ATP2B2: variants seen among roughly 807,000 people sequenced by gnomAD.
ATP2B2 encodes ATPase plasma membrane Ca2+ transporting 2, also known as plasma membrane calcium-transporting ATPase 2.
In ATP2B2, 15 loss-of-function variants were observed where a neutral mutation model predicts 120.0. That is an observed-to-expected ratio of 0.12 (90% CI 0.08 to 0.19). ATP2B2 has a LOEUF of 0.19. Among genes scored for constraint, ATP2B2 ranks in the 10% least tolerant of loss-of-function variants. The probability of loss-of-function intolerance (pLI) is 1.00; values close to 1 mark genes in which losing one functional copy is unlikely to be tolerated. For synonymous variants in ATP2B2, 694 were observed against 700.3 expected, an observed-to-expected ratio of 0.99 and a Z score of 0.14; for missense variants, 1,045 against 1,719.8, an observed-to-expected ratio of 0.61 and a Z score of 6.94.
upstream of ATP2B2, among the ~76,000 whole-genome samples, chr3:10,508,299 A>G (rs528043446): frequency 1.3e-5 from 2 of 152,110 alleles, no homozygotes; most frequent in East Asian, 3.9e-4. Context: ...TCGAAGTCCA[A>G]CTCAAATTCT....
chr3:10,510,124 C>T (rs2066730756), upstream of ATP2B2, among the ~76,000 whole-genome samples: 1 of 152,130 alleles, frequency 6.6e-6, no homozygotes, highest in South Asian at 2.1e-4. Context: ...GGTCTGGTCT[C>T]TAGTCTATTG....
chr3:10,402,143 G>A lies in ATP2B2; in HGVS notation c.603C>T (p.Val201=). The A allele has an allele frequency of 6.2e-7, 1 of 1,614,028 alleles. No individual in the cohort carries two copies. Among genetic ancestry groups the A allele is most frequent in the Non-Finnish European group, 8.5e-7 (1 of 1,179,998 alleles). The part of the protein sequence containing the change: ...KFTVVRAGQV[V]QIPVAEIVVG... ...CCACGATCTCAGCCACAGGGATCTG[G>A]ACCACCTGGCCAGCCCGGACCACGG... Residue 201 remains valine (V), a synonymous_variant, in exon 4 of 23, where the codon GTC becomes GTT. Transcript: ENST00000360273. This position sits in a 1 kb window ranked among gnomAD's most constrained non-coding sequence, Gnocchi z 4.9.
At chr3:10,338,699 G>T in intron 21 of ATP2B2, 1 of 350,426 alleles carries the variant, frequency 2.9e-6, no homozygotes, top group Non-Finnish European at 5.4e-6. Flanking sequence ...CTGGTCCTGT[G>T]GCCTCGGGCA....
At chr3:10,372,165 C>T (rs1460170286) in intron 11 of ATP2B2, 114 bp from the exon 12 acceptor site, 1 of 1,453,668 alleles carries the variant, frequency 6.9e-7, no homozygotes, top group South Asian at 1.2e-5. Flanking sequence ...CCACAGCCTG[C>T]CCCTTTGCTT....
At chr3:10,527,527 T>C (rs990586936) in intron 3 of ATP2B2, among the ~76,000 whole-genome samples, 1 of 152,106 alleles carries the variant, frequency 6.6e-6, no homozygotes, top group African/African-American at 2.4e-5. Context: ...GGGCTCCTCA[T>C]CAATACCTAC....
At chr3:10,622,000 C>G (rs2125625525) in intron 1 of ATP2B2, among the ~76,000 whole-genome samples, 1 of 152,354 alleles carries the variant, frequency 6.6e-6, no homozygotes, top group Non-Finnish European at 1.5e-5. Flanking sequence ...CTGTTTTGCT[C>G]CACACATTTG....
At chr3:10,659,749 T>C (rs191246394) in intron 1 of ATP2B2, among the ~76,000 whole-genome samples, 250 of 152,360 alleles carry the variant, frequency 1.6e-3, no homozygotes, top group Non-Finnish European at 2.9e-3. Context: ...GTGGACCTAA[T>C]AGACATCTAC....
upstream of ATP2B2, among the ~76,000 whole-genome samples, chr3:10,507,116 G>A (rs551455184): frequency 6.6e-6 from 1 of 152,258 alleles, no homozygotes; most frequent in East Asian, 1.9e-4. Context: ...AAGCTACGAT[G>A]TCAAGGGCCG....
In ATP2B2 at chr3:10,346,567, G is replaced by T. The variant is rs1413282843; in HGVS notation, c.2405-430C>A. On this transcript the variant is annotated intron_variant, in intron 16 of 22. Transcript: ENST00000360273. The surrounding 1 kb of genome is among the most constrained non-coding windows in gnomAD (Gnocchi z 4.1). Reference sequence around the variant, plus strand: ...AGCACTTTCTCCCTGGGGAGTCCAGGCTTGCTGAGGAGGCCTTGGCTTTGT... The same window carrying T: ...AGCACTTTCTCCCTGGGGAGTCCAGTCTTGCTGAGGAGGCCTTGGCTTTGT... Among the ~76,000 whole-genome samples, 2 of 152,236 alleles carry T rather than the reference G, an allele frequency of 1.3e-5. No individual in the cohort carries two copies. Among genetic ancestry groups the T allele is most frequent in the Non-Finnish European group, 2.9e-5 (2 of 68,044 alleles).
At chr3:10,540,909 G>A (rs1449167083) in intron 2 of ATP2B2, among the ~76,000 whole-genome samples, 2 of 149,170 alleles carry the variant, frequency 1.3e-5, no homozygotes, top group Non-Finnish European at 3.0e-5. Context: ...TTTTTTTTTA[G>A]GAAATTTAAA....
chr3:10,663,866 C>G (rs147063538), intron 1 of ATP2B2, among the ~76,000 whole-genome samples: 1 of 152,288 alleles, frequency 6.6e-6, no homozygotes, highest in East Asian at 1.9e-4. Flanking sequence ...AGACTTTGGA[C>G]TCTTCGAAGA....
chr3:10,658,889 G>A (rs6442191), intron 1 of ATP2B2, among the ~76,000 whole-genome samples: 32,710 of 150,790 alleles, frequency 0.22, 5,984 homozygotes, highest in African/African-American at 0.5. Context: ...GACTAACAGC[G>A]GATCTCTCGG....
At chr3:10,393,218 AAGGTGGG>A (rs916196332) in intron 5 of ATP2B2, among the ~76,000 whole-genome samples, 2 of 152,164 alleles carry the variant, frequency 1.3e-5, no homozygotes, top group African/African-American at 4.8e-5. Context: ...CAGCCAGGCA[AAGGTGGG>A]AGGTGGTCCA....
intron 1 of ATP2B2, among the ~76,000 whole-genome samples, chr3:10,488,086 T>C (rs1364818973): frequency 6.6e-6 from 1 of 151,386 alleles, no homozygotes; most frequent in Non-Finnish European, 1.5e-5. Context: ...CCTATCCATC[T>C]ATCCATCCAT....
At chr3:10,381,884 T>C (rs2061541057) in intron 8 of ATP2B2, among the ~76,000 whole-genome samples, 1 of 152,174 alleles carries the variant, frequency 6.6e-6, no homozygotes, top group Non-Finnish European at 1.5e-5. Context: ...GCTGACCTGA[T>C]ACACAAGCTC....
At chr3:10,491,015 T>C (rs1242301973) in intron 1 of ATP2B2, among the ~76,000 whole-genome samples, 7 of 152,212 alleles carry the variant, frequency 4.6e-5, no homozygotes, top group Admixed American at 6.5e-5. Flanking sequence ...TGTTTTTGTG[T>C]GGCTGTTTTT....
intron 3 of ATP2B2, among the ~76,000 whole-genome samples, chr3:10,517,900 T>C (rs906228541): frequency 5.3e-5 from 8 of 152,150 alleles, no homozygotes; most frequent in Non-Finnish European, 7.3e-5. Flanking sequence ...TGGCTGCAGA[T>C]AGGATGACCT....
intron 1 of ATP2B2, among the ~76,000 whole-genome samples, chr3:10,647,088 G>A (rs1418253727): frequency 6.6e-6 from 1 of 152,270 alleles, no homozygotes; most frequent in Non-Finnish European, 1.5e-5. Context: ...TGGGGGTAGG[G>A]GGAATGGGGG....
At chr3:10,387,943 AC>A in intron 6 of ATP2B2, 6 of 374,656 alleles carry the variant, frequency 1.6e-5, no homozygotes, top group South Asian at 1.3e-4. Context: ...TCTACTCAAT[AC>A]TGGAGTGATG....
Sources: allele counts gnomAD v4.1 joint callset (sites outside exome capture counted in the v4.1 genomes callset), GRCh38; gene constraint gnomAD v4.1.1; non-coding constraint Gnocchi (gnomAD v3.1); transcripts MANE v1.5; gene names NCBI Gene and HGNC (gene_info 2026-07-23, HGNC 2026-07-21).